Variants in SAMD7 observed in about 807,000 individuals in gnomAD.
SAMD7 encodes the protein sterile alpha motif domain containing 7.
SAMD7 carries 34 observed loss-of-function variants against 36.7 expected under a neutral mutation model. The ratio of observed to expected loss-of-function variants is 0.93; its 90% confidence interval spans 0.71 to 1.23. SAMD7 has a LOEUF of 1.23. Ranked by LOEUF, SAMD7 falls within the 50% of genes most tolerant of loss-of-function variation. SAMD7 has a pLI of 0.00. For synonymous variants in SAMD7, 188 were observed against 189.7 expected (o/e 0.99, Z 0.07); for missense variants, 570 against 546.6 (o/e 1.04, Z -0.43).
At chr3:169,928,630 T>C in intron 7 of SAMD7, 52 bp downstream of exon 7, 1 of 1,576,634 alleles carries the variant, frequency 6.3e-7, no homozygotes, top group Non-Finnish European at 8.7e-7. Context: ...TGAAATATCT[T>C]TCCTGCATAA....
rs773862316 is a variant in SAMD7 at position 169,926,780 on chromosome 3, T to C, written c.518T>C (p.Phe173Ser). ...NPMLAATAPH[F>S]EESWGQRCRR... ...ATGCTAGCGGCAACTGCACCACACTTTGAGGAGAGCTGGGGGCAGAGATGT... is the reference window on the plus strand; with the variant it reads ...ATGCTAGCGGCAACTGCACCACACTCTGAGGAGAGCTGGGGGCAGAGATGT... Residue 173 changes from phenylalanine to serine, a missense_variant, in exon 6 of 9, where the codon TTT (phenylalanine) becomes TCT (serine). Phe to Ser is a radical substitution (Grantham distance 155). Transcript: ENST00000335556. 4 of 1,613,592 alleles carry C rather than the reference T, an allele frequency of 2.5e-6. No homozygotes were observed. The South Asian group carries it at 4.4e-5, about 18-fold the overall frequency.
intron 7 of SAMD7, among the ~76,000 whole-genome samples, chr3:169,935,372 A>C (rs1713681629): frequency 6.6e-6 from 1 of 152,208 alleles, no homozygotes; most frequent in African/African-American, 2.4e-5. Context: ...GTATATGTGG[A>C]GAGATCGTCT....
In SAMD7 at chr3:169,926,785, G is replaced by A. The variant is rs1237541307; in HGVS notation, c.523G>A (p.Glu175Lys). The A allele has an allele frequency of 6.2e-7, 1 of 1,613,954 alleles. No individual in the cohort carries two copies. The highest frequency in any genetic ancestry group is 8.5e-7 in the Non-Finnish European group (1 of 1,179,982). The change falls in exon 6 of 9, where the codon GAG becomes AAG. Residue 175 changes from glutamate to lysine, a missense_variant. Coordinates refer to ENST00000335556, the MANE Select transcript of SAMD7 (RefSeq NM_001304366.2). ...MLAATAPHFE[E>K]SWGQRCRRLR... is the part of the protein sequence containing the mutation. Reference sequence around the variant, plus strand: ...AGCGGCAACTGCACCACACTTTGAGGAGAGCTGGGGGCAGAGATGTCGTCG... The same window carrying A: ...AGCGGCAACTGCACCACACTTTGAGAAGAGCTGGGGGCAGAGATGTCGTCG...
intron 1 of SAMD7, among the ~76,000 whole-genome samples, chr3:169,914,186 C>T (rs1007443002): frequency 8.5e-5 from 13 of 152,132 alleles, no homozygotes; most frequent in African/African-American, 3.1e-4. Context: ...AGTGAGGAAG[C>T]TGTGCATGTG....
chr3:169,931,697 T>C (rs963464392), intron 7 of SAMD7, among the ~76,000 whole-genome samples: 9 of 152,134 alleles, frequency 5.9e-5, no homozygotes, highest in Non-Finnish European at 1.0e-4. Flanking sequence ...TGCAGTTTGT[T>C]GGGGGACGGC....
At position 169,928,144 on chromosome 3, in the gene SAMD7, A is replaced by G. The variant is rs904285171; in HGVS notation, c.920-313A>G. On this transcript the variant is annotated intron_variant, in intron 6 of 8. Coordinates refer to ENST00000335556, the MANE Select transcript of SAMD7 (RefSeq NM_001304366.2). ...GTCTCATCTCGAAAGCAGGATAATCACCTATCACGAAAACATAGTAACATT... is the reference window on the plus strand; with the variant it reads ...GTCTCATCTCGAAAGCAGGATAATCGCCTATCACGAAAACATAGTAACATT... 2.6e-5 allele frequency among the ~76,000 whole-genome samples: 4 copies of G among 152,358 alleles called. No homozygotes were observed. In the East Asian group the frequency reaches 7.7e-4, roughly 29 times the overall value.
chr3:169,922,504 T>C (rs1713085266), intron 4 of SAMD7, among the ~76,000 whole-genome samples: 1 of 152,192 alleles, frequency 6.6e-6, no homozygotes, highest in Non-Finnish European at 1.5e-5. Flanking sequence ...TTTTTTGTTG[T>C]TGTTGTTTGT....
At chr3:169,932,189 A>G in intron 7 of SAMD7, 2 of 688,104 alleles carry the variant, frequency 2.9e-6, no homozygotes, top group Admixed American at 2.3e-5. Flanking sequence ...CACACGTTGC[A>G]GTCTTCCTAG....
Position 169,926,706 on chromosome 3 carries a change from T to C in SAMD7, c.444T>C (p.Gly148=). 6.2e-7 allele frequency: 1 copy of C among 1,613,892 alleles called. No homozygotes were observed. ...ATGGCAGGAGCATGCTCCCTGCCGGTGACCTGCATTTTCACAGAAGCACCC... is the reference window on the plus strand; with the variant it reads ...ATGGCAGGAGCATGCTCCCTGCCGGCGACCTGCATTTTCACAGAAGCACCC... ...AYHGRSMLPA[G]DLHFHRSTLR... is the part of the protein sequence containing the mutation. The change falls in exon 6 of 9, where the codon GGT becomes GGC. Residue 148 remains glycine, a synonymous_variant. Transcript: ENST00000335556.
intron 5 of SAMD7, 73 bp downstream of exon 5, chr3:169,925,209 T>A (rs1713207842): frequency 5.3e-6 from 5 of 943,674 alleles, no homozygotes. Flanking sequence ...TATCTTCATA[T>A]AACAAATGAA....
chr3:169,916,770 A>C (rs1346335367), intron 2 of SAMD7, among the ~76,000 whole-genome samples: 1 of 152,228 alleles, frequency 6.6e-6, no homozygotes, highest in Non-Finnish European at 1.5e-5. Flanking sequence ...AAAGTTCAAC[A>C]ATTTTTCAAA....
In SAMD7 at chr3:169,912,399, A is replaced by C. The variant is rs148690230; in HGVS notation, c.-117+578A>C. The stretch of plus-strand genomic sequence containing the variant: ...AGACTATCTAACTAAAACACCTACT[A>C]TTCAGTTCCATTATATGAGTACTGC... On this transcript the variant is annotated intron_variant, in intron 1 of 8. Transcript: ENST00000335556. Among the ~76,000 whole-genome samples the C allele has an allele frequency of 4.8e-3, 726 of 152,338 alleles. 3 individuals carry two copies. The highest frequency in any genetic ancestry group is 0.017 in the African/African-American group (687 of 41,576).
At position 169,918,861 on chromosome 3, in the gene SAMD7, T is replaced by C. The variant is rs115366427; in HGVS notation, c.-41-597T>C. Among the ~76,000 whole-genome samples the C allele has an allele frequency of 8.3e-3, 1,255 of 152,010 alleles. 16 individuals carry two copies. Among genetic ancestry groups the C allele is most frequent in the African/African-American group, 0.029 (1,185 of 41,516 alleles). ...TCAAAGTAAGTTGCAAGAAAGGAAG[T>C]TGGGGCCAGGCACGGTGGCTCACGC... is the stretch of plus-strand genomic sequence containing the variant. On this transcript the variant is annotated intron_variant, in intron 2 of 8. Coordinates refer to ENST00000335556, the MANE Select transcript of SAMD7 (RefSeq NM_001304366.2).
intron 2 of SAMD7, 97 bp downstream of exon 2, chr3:169,915,538 A>G (rs912458209): frequency 6.7e-6 from 1 of 148,744 alleles, no homozygotes; most frequent in Non-Finnish European, 1.5e-5. Flanking sequence ...TGTCTCAGAC[A>G]TCACATAGGA....
intron 2 of SAMD7, among the ~76,000 whole-genome samples, chr3:169,917,633 A>AT (rs1712865346): frequency 6.7e-6 from 1 of 150,284 alleles, no homozygotes; most frequent in Non-Finnish European, 1.5e-5. Flanking sequence ...TTGTTTATTT[A>AT]TTTATTTATT....
intron 4 of SAMD7, among the ~76,000 whole-genome samples, chr3:169,924,341 C>T (rs1713168850): frequency 1.3e-5 from 2 of 152,184 alleles, no homozygotes; most frequent in South Asian, 2.1e-4. Flanking sequence ...GTAATCCCAG[C>T]ACTTTGGGAG....
intron 8 of SAMD7, among the ~76,000 whole-genome samples, chr3:169,936,901 G>T (rs1333044652): frequency 1.3e-5 from 2 of 151,958 alleles, no homozygotes; most frequent in Non-Finnish European, 2.9e-5. Flanking sequence ...ATGCATAGCA[G>T]CACCCCACTT....
chr3:169,932,819 C>T (rs1235716096), intron 7 of SAMD7: 5 of 572,012 alleles, frequency 8.7e-6, no homozygotes, highest in Non-Finnish European at 1.4e-5. Context: ...TGGCCTGTGC[C>T]GCCTGGACAC....
chr3:169,913,902 A>G (rs985755670), intron 1 of SAMD7, among the ~76,000 whole-genome samples: 1 of 152,194 alleles, frequency 6.6e-6, no homozygotes, highest in Non-Finnish European at 1.5e-5. Context: ...TACCTGGCTG[A>G]TGAAGGGAAA....
Sources: gnomAD v4.1 joint callset for allele counts (sites outside exome capture counted in the v4.1 genomes callset) on GRCh38, gnomAD v4.1.1 for gene constraint, MANE v1.5 for transcripts, NCBI Gene and HGNC (gene_info 2026-07-23, HGNC 2026-07-21) for gene names.